Variants in OSBPL9 observed in about 807,000 individuals in gnomAD.
The protein encoded by OSBPL9 is oxysterol binding protein like 9.
Under a neutral mutation model 106.6 loss-of-function variants are expected in OSBPL9, and 40 were observed. That is an observed-to-expected ratio of 0.38 (90% CI 0.29 to 0.49). OSBPL9 has a LOEUF of 0.49. Ranked by LOEUF, OSBPL9 falls within the 20% of genes least tolerant of loss-of-function variation. The pLI is 0.97. For synonymous variants in OSBPL9, 269 were observed against 295.4 expected (o/e 0.91, Z 0.92); for missense variants, 609 against 887.2 (o/e 0.69, Z 3.98).
chr1:51,628,688 T>C (rs1449499395), intron 1 of OSBPL9, among the ~76,000 whole-genome samples: 4 of 146,502 alleles, frequency 2.7e-5, no homozygotes, highest in East Asian at 1.9e-4. Flanking sequence ...TTTTTTCTTT[T>C]TTTTTTTTTT....
Position 51,707,617 on chromosome 1 carries a change from G to A in OSBPL9, c.242-6386G>A, listed in dbSNP as rs188282494. The A allele has an allele frequency of 1.1e-4, 21 of 188,668 alleles. No individual in the cohort carries two copies. The East Asian group carries it at 2.8e-3, about 25-fold the overall frequency. The allele number at this position is 188,668 out of a possible 1,614,324, so 11.7% of individuals were successfully genotyped here. A position where few individuals can be genotyped will look rare whatever the true frequency, so the allele number is the denominator to read the frequency against. ...GGTGGCAGTGATGGCATGGAGTGTGGTTATGAGTCCCTCCACAATGCCAGA... is the reference window on the plus strand; with the variant it reads ...GGTGGCAGTGATGGCATGGAGTGTGATTATGAGTCCCTCCACAATGCCAGA... On this transcript the variant is annotated intron_variant, in intron 3 of 23. Transcript: ENST00000428468.
intron 2 of OSBPL9, among the ~76,000 whole-genome samples, chr1:51,655,420 G>C (rs1437499330): frequency 6.6e-6 from 1 of 152,138 alleles, no homozygotes; most frequent in Non-Finnish European, 1.5e-5. Context: ...TCATGTCAGC[G>C]ATGTGCATTG....
At chr1:51,575,192 G>A (rs1645175970), upstream of OSBPL9, among the ~76,000 whole-genome samples, 3 of 151,146 alleles carry the variant, frequency 2.0e-5, no homozygotes, top group South Asian at 6.3e-4. Context: ...CCAATATCTA[G>A]GTTTTGTTTG....
At chr1:51,588,552 G>C (rs903065496) in intron 1 of OSBPL9, among the ~76,000 whole-genome samples, 1 of 152,096 alleles carries the variant, frequency 6.6e-6, no homozygotes, top group African/African-American at 2.4e-5. Flanking sequence ...CTCAGGGGCT[G>C]AAGTGGGATG....
intron 11 of OSBPL9, chr1:51,765,462 C>T (rs1022308321): frequency 6.3e-6 from 1 of 158,570 alleles, no homozygotes; most frequent in African/African-American, 2.4e-5. Flanking sequence ...GTATCTGGAT[C>T]TGCAGTGTAA....
At chr1:51,764,583 C>CTTTT (rs531240886) in intron 11 of OSBPL9, among the ~76,000 whole-genome samples, 1 of 135,712 alleles carries the variant, frequency 7.4e-6, no homozygotes, top group Admixed American at 7.4e-5. Flanking sequence ...ACTCTGGATT[C>CTTTT]TTTTTTTTTT....
chr1:51,657,356 G>A (rs961213723), intron 2 of OSBPL9, among the ~76,000 whole-genome samples: 1 of 152,138 alleles, frequency 6.6e-6, no homozygotes, highest in Non-Finnish European at 1.5e-5. Flanking sequence ...GTGCTGTGCT[G>A]GATGATTTTC....
At chr1:51,745,509 G>T in intron 4 of OSBPL9, 27 bp from the exon 5 acceptor site, 17 of 1,606,106 alleles carry the variant, frequency 1.1e-5, no homozygotes, top group Non-Finnish European at 1.4e-5. Context: ...GGTTCTGGTA[G>T]ATTTATTGCA....
the OSBPL9 span, among the ~76,000 whole-genome samples, chr1:51,570,801 C>T: frequency 6.6e-6 from 1 of 151,964 alleles, no homozygotes; most frequent in South Asian, 2.1e-4. Flanking sequence ...ATGTAAGGGG[C>T]TATCATTATT....
intron 3 of OSBPL9, among the ~76,000 whole-genome samples, chr1:51,671,001 T>G (rs1649734534): frequency 6.6e-6 from 1 of 152,220 alleles, no homozygotes; most frequent in African/African-American, 2.4e-5. Context: ...TCTGATTTAC[T>G]TTTAAATTAT....
intron 2 of OSBPL9, among the ~76,000 whole-genome samples, chr1:51,611,861 G>A (rs1332312615): frequency 6.6e-6 from 1 of 152,210 alleles, no homozygotes; most frequent in Admixed American, 6.5e-5. Context: ...TGTAGTCCCA[G>A]CTACTCAGGA....
intron 3 of OSBPL9, among the ~76,000 whole-genome samples, chr1:51,684,971 G>A (rs1653452592): frequency 6.6e-6 from 1 of 151,020 alleles, no homozygotes; most frequent in East Asian, 1.9e-4. Flanking sequence ...GAATGCAGTG[G>A]CAGGATCATA....
chr1:51,637,894 T>TA (rs1480192840), intron 1 of OSBPL9, among the ~76,000 whole-genome samples: 6 of 152,208 alleles, frequency 3.9e-5, no homozygotes, highest in South Asian at 2.1e-4. Flanking sequence ...GTTAGAGACA[T>TA]ACCTATTACC....
At chr1:51,758,304 A>T (rs1670771687) in intron 9 of OSBPL9, among the ~76,000 whole-genome samples, 1 of 152,066 alleles carries the variant, frequency 6.6e-6, no homozygotes, top group East Asian at 1.9e-4. Context: ...TTGTAAGGTG[A>T]GAACTGTAAC....
chr1:51,714,253 C>T (rs1660636344), intron 4 of OSBPL9, among the ~76,000 whole-genome samples, 174 bp downstream of exon 4: 1 of 151,514 alleles, frequency 6.6e-6, no homozygotes, highest in South Asian at 2.1e-4. Context: ...TTTATTTTCT[C>T]CTGCTTTCTG....
intron 3 of OSBPL9, among the ~76,000 whole-genome samples, chr1:51,673,646 A>C (rs941238232): frequency 3.9e-5 from 6 of 152,216 alleles, no homozygotes; most frequent in African/African-American, 1.4e-4. Flanking sequence ...GTTGTTGATG[A>C]GACCTTAAAT....
At chr1:51,669,727 C>T in intron 3 of OSBPL9, 2 of 654,228 alleles carry the variant, frequency 3.1e-6, no homozygotes, top group South Asian at 3.0e-5. Flanking sequence ...GATCTGGCTG[C>T]AGTTGGAGAT....
Position 51,784,535 on chromosome 1 carries a change from T to G in OSBPL9, c.1782T>G (p.Thr594=). The part of the protein sequence containing the change: ...TGYSANIIFH[T]KPFYGGKKHR... ...ATAGTGCAAATATCATCTTCCACAC[T>G]AAACCCTTCTATGGGGGCAAGAAGC... Residue 594 remains threonine (T), a synonymous_variant, in exon 20 of 24, where the codon ACT becomes ACG. Transcript: ENST00000428468. 1 of 1,614,090 alleles carries G rather than the reference T, an allele frequency of 6.2e-7. No individual in the cohort carries two copies.
intron 3 of OSBPL9, among the ~76,000 whole-genome samples, chr1:51,695,675 T>A (rs1263459497): frequency 6.6e-6 from 1 of 152,180 alleles, no homozygotes; most frequent in African/African-American, 2.4e-5. Context: ...GCCTAGAGAT[T>A]CCATTCTCAT....
Sources: allele counts gnomAD v4.1 joint callset (sites outside exome capture counted in the v4.1 genomes callset), GRCh38; gene constraint gnomAD v4.1.1; transcripts MANE v1.5; gene names NCBI Gene and HGNC (gene_info 2026-07-23, HGNC 2026-07-21).